Variants in MBD5 observed in about 807,000 individuals in gnomAD.
The protein encoded by MBD5 is methyl-CpG binding domain protein 5.
Under a neutral mutation model 117.3 loss-of-function variants are expected in MBD5, and 13 were observed. The ratio of observed to expected loss-of-function variants is 0.11; its 90% CI spans 0.07 to 0.18. MBD5 has a LOEUF of 0.18. Ranked by LOEUF, MBD5 falls within the 10% of genes least tolerant of loss-of-function variation. The pLI, the probability that MBD5 is intolerant of heterozygous loss-of-function variation, is 1.00. For synonymous variants in MBD5, 727 were observed against 766.4 expected, an observed-to-expected ratio of 0.95 and a Z score of 0.85; for missense variants, 1,879 against 2,093.8, an observed-to-expected ratio of 0.90 and a Z score of 2.00.
chr2:148,081,678 A>C (rs1380270630), intron 1 of MBD5, among the ~76,000 whole-genome samples: 1 of 152,040 alleles, frequency 6.6e-6, no homozygotes, highest in Admixed American at 6.5e-5. Context: ...CCTTTTTTTC[A>C]AATGGACCCT....
intron 4 of MBD5, among the ~76,000 whole-genome samples, chr2:148,453,185 T>TAAC (rs3076588): frequency 0.89 from 135,666 of 151,902 alleles, 60,913 homozygotes; most frequent in East Asian, 1. Flanking sequence ...ATCAGTGAAT[T>TAAC]AAAGTGTGAG....
intron 4 of MBD5, among the ~76,000 whole-genome samples, chr2:148,383,578 A>G (rs1001136764): frequency 3.3e-5 from 5 of 152,200 alleles, no homozygotes; most frequent in Non-Finnish European, 5.9e-5. Context: ...TAAATAGAAA[A>G]AAAGGGAATC....
chr2:148,478,401 G>A (rs1486812342), intron 8 of MBD5, among the ~76,000 whole-genome samples: 7 of 152,050 alleles, frequency 4.6e-5, no homozygotes, highest in African/African-American at 1.7e-4. Context: ...TGGACAATAC[G>A]GTGAAACCCT....
At chr2:148,068,136 G>A (rs1053637356) in intron 1 of MBD5, among the ~76,000 whole-genome samples, 1 of 152,114 alleles carries the variant, frequency 6.6e-6, no homozygotes, top group East Asian at 1.9e-4. Flanking sequence ...GAAGCCTCTA[G>A]GTCAGTGCAG....
At chr2:148,135,305 A>G (rs1194367459) in intron 1 of MBD5, among the ~76,000 whole-genome samples, 1 of 152,072 alleles carries the variant, frequency 6.6e-6, no homozygotes, top group Non-Finnish European at 1.5e-5. Flanking sequence ...TACTTGTGTT[A>G]CTTCTTTTTT....
At chr2:148,503,263 C>G (rs75109801) in intron 12 of MBD5, among the ~76,000 whole-genome samples, 1 of 152,026 alleles carries the variant, frequency 6.6e-6, no homozygotes, top group African/African-American at 2.4e-5. Flanking sequence ...ATCAAGCAAC[C>G]AAAAATTATA....
At chr2:148,180,344 A>ATATATATATATATATG (rs1491296728) in intron 2 of MBD5, among the ~76,000 whole-genome samples, 1 of 5,176 alleles carries the variant, frequency 1.9e-4, no homozygotes, top group Non-Finnish European at 9.0e-4. Flanking sequence ...AAAATTATAC[A>ATATATATATATATATG]TATATATATA....
In MBD5 at chr2:148,066,237, C is replaced by A. The variant is rs1024299704; in HGVS notation, c.-925+44553C>A. On this transcript the variant is annotated intron_variant, in intron 1 of 13. Transcript: ENST00000642680. The stretch of plus-strand genomic sequence containing the variant: ...GGGAGGATCCCTTGAGCCCAGGAGG[C>A]GGAGGTTGTAGTGAGCTGAGATCAC... Among the ~76,000 whole-genome samples, 4 of 151,962 alleles carry A rather than the reference C, an allele frequency of 2.6e-5. No homozygotes were observed. In the East Asian group the frequency reaches 7.7e-4, roughly 29 times the overall value.
intron 1 of MBD5, among the ~76,000 whole-genome samples, chr2:148,036,756 A>G (rs1305982102): frequency 6.6e-6 from 1 of 152,074 alleles, no homozygotes; most frequent in Non-Finnish European, 1.5e-5. Flanking sequence ...AGTTTCAGGG[A>G]ATAAATTAGT....
At chr2:148,312,751 C>A (rs530274944) in intron 3 of MBD5, among the ~76,000 whole-genome samples, 9 of 152,220 alleles carry the variant, frequency 5.9e-5, no homozygotes, top group African/African-American at 1.7e-4. Flanking sequence ...GGATTTTCAG[C>A]CTTTTTGAGC....
At chr2:148,262,795 C>T (rs952178674) in intron 3 of MBD5, among the ~76,000 whole-genome samples, 1 of 152,172 alleles carries the variant, frequency 6.6e-6, no homozygotes, top group Admixed American at 6.6e-5. Context: ...ACTGGAGAAC[C>T]CATACAGTTA....
Position 148,074,483 on chromosome 2 carries a change from TGTTTTTTTTTTG to T in MBD5, c.-925+52800_-925+52811del, listed in dbSNP as rs1443303027. On this transcript the variant is annotated intron_variant, in intron 1 of 13. Coordinates refer to ENST00000642680, the MANE Select transcript of MBD5 (RefSeq NM_001378120.1). ...AACTAGTACCTTCAAAGGAATAGTT[TGTTTTTTTTTTG>T]TTTTTTTTTTTGTTTTTTTTTTTGA... is the stretch of plus-strand genomic sequence containing the variant. 4.2e-4 allele frequency among the ~76,000 whole-genome samples: 59 copies of T among 140,852 alleles called. 1 individual carries two copies. Among genetic ancestry groups the T allele is most frequent in the South Asian group, 2.5e-3 (11 of 4,388 alleles). 92.4% of individuals were successfully genotyped at this position (140,852 alleles called of 152,430 possible).
chr2:148,129,660 T>G (rs906061537), intron 1 of MBD5, among the ~76,000 whole-genome samples: 2 of 152,194 alleles, frequency 1.3e-5, no homozygotes, highest in African/African-American at 4.8e-5. Context: ...TAGTAAGTTT[T>G]AAGAGTATAG....
intron 3 of MBD5, among the ~76,000 whole-genome samples, chr2:148,305,232 G>A (rs192972689): frequency 6.6e-6 from 1 of 152,266 alleles, no homozygotes; most frequent in East Asian, 1.9e-4. Flanking sequence ...TTAAGAGGAG[G>A]ACTCAGAGGA....
chr2:148,251,427 A>G (rs1700463024), intron 3 of MBD5, among the ~76,000 whole-genome samples: 1 of 152,218 alleles, frequency 6.6e-6, no homozygotes, highest in Non-Finnish European at 1.5e-5. Flanking sequence ...TCAAAATACA[A>G]CATGATTGGT....
chr2:148,312,687 T>C (rs1414463522), intron 3 of MBD5, among the ~76,000 whole-genome samples: 2 of 152,204 alleles, frequency 1.3e-5, no homozygotes, highest in African/African-American at 4.8e-5. Flanking sequence ...CCAGTTTTGT[T>C]CCCTTGCTGG....
intron 5 of MBD5, among the ~76,000 whole-genome samples, chr2:148,460,808 T>G (rs1393216743): frequency 1.3e-5 from 2 of 152,206 alleles, no homozygotes; most frequent in African/African-American, 2.4e-5. Flanking sequence ...GTCTTCAGGT[T>G]TAATTTTACA....
At chr2:148,484,279 AAC>A (rs1026708400) in intron 9 of MBD5, 144 bp downstream of exon 9, 63 of 675,666 alleles carry the variant, frequency 9.3e-5, no homozygotes, top group African/African-American at 8.4e-4. Flanking sequence ...TAAATATAAC[AAC>A]ACCCACACAC....
At chr2:148,060,706 A>G (rs1251538719) in intron 1 of MBD5, among the ~76,000 whole-genome samples, 1 of 152,152 alleles carries the variant, frequency 6.6e-6, no homozygotes, top group African/African-American at 2.4e-5. Flanking sequence ...ATAGTGATTG[A>G]TAGGGTATGA....
Sources: gnomAD v4.1 joint callset for allele counts (sites outside exome capture counted in the v4.1 genomes callset) on GRCh38, gnomAD v4.1.1 for gene constraint, MANE v1.5 for transcripts, NCBI Gene and HGNC (gene_info 2026-07-23, HGNC 2026-07-21) for gene names.